Variants in HNF1B observed in about 807,000 individuals in gnomAD.
The protein encoded by HNF1B is HNF1 homeobox B.
A neutral mutation model predicts 61.7 loss-of-function variants in HNF1B; 8 were observed. The ratio of observed to expected loss-of-function variants is 0.13; its 90% CI spans 0.08 to 0.23. HNF1B has a LOEUF of 0.23. Ranked by LOEUF, HNF1B falls within the 10% of genes least tolerant of loss-of-function variation. HNF1B has a pLI of 1.00. For synonymous variants in HNF1B, 314 were observed against 287.7 expected (o/e 1.09, Z -0.93); for missense variants, 562 against 714.5 (o/e 0.79, Z 2.43).
chr17:37,713,319 A>G (rs1235713775), intron 4 of HNF1B, among the ~76,000 whole-genome samples: 2 of 152,224 alleles, frequency 1.3e-5, no homozygotes, highest in Non-Finnish European at 2.9e-5. Flanking sequence ...GGTCACAAGG[A>G]GGCTTCTCCC....
chr17:37,706,626 A>C (rs948377072), intron 5 of HNF1B, among the ~76,000 whole-genome samples: 1 of 151,938 alleles, frequency 6.6e-6, no homozygotes, highest in South Asian at 2.1e-4. Flanking sequence ...CACATCAAAC[A>C]AGAGAGAAGC....
At chr17:37,690,389 A>T (rs1031006905) in intron 8 of HNF1B, among the ~76,000 whole-genome samples, 3 of 152,176 alleles carry the variant, frequency 2.0e-5, no homozygotes, top group Admixed American at 2.0e-4. Context: ...TGTGATGGAA[A>T]GCTATTGGAG....
chr17:37,691,150 T>C (rs192902729), intron 8 of HNF1B, among the ~76,000 whole-genome samples: 13 of 152,126 alleles, frequency 8.5e-5, no homozygotes, highest in East Asian at 5.8e-4. Context: ...AAAGTAACCA[T>C]TGGTTTCAGC....
At chr17:37,741,679 G>A (rs1174219157) in intron 1 of HNF1B, among the ~76,000 whole-genome samples, 2 of 152,186 alleles carry the variant, frequency 1.3e-5, no homozygotes, top group Non-Finnish European at 2.9e-5. Flanking sequence ...TTTTAAAAGT[G>A]AATATTGCTT....
At chr17:37,690,187 A>G (rs967828109) in intron 8 of HNF1B, among the ~76,000 whole-genome samples, 1 of 152,200 alleles carries the variant, frequency 6.6e-6, no homozygotes. Context: ...GTGAAGGGGC[A>G]AGCATGTAAA....
chr17:37,714,253 T>C (rs1568648770), intron 4 of HNF1B, among the ~76,000 whole-genome samples: 2 of 152,248 alleles, frequency 1.3e-5, no homozygotes, highest in Non-Finnish European at 2.9e-5. Context: ...GCACTGTCCT[T>C]GTTTAAAAGA....
At chr17:37,727,512 A>G (rs2033538725) in intron 4 of HNF1B, among the ~76,000 whole-genome samples, 1 of 152,206 alleles carries the variant, frequency 6.6e-6, no homozygotes, top group African/African-American at 2.4e-5. Context: ...TTAAGCATGC[A>G]TAAGGGAGAC....
intron 8 of HNF1B, among the ~76,000 whole-genome samples, chr17:37,689,188 G>T (rs1228172688): frequency 6.7e-6 from 1 of 150,370 alleles, no homozygotes; most frequent in East Asian, 1.9e-4. Context: ...GCTGAGCAGT[G>T]CGTGCATGTG....
intron 2 of HNF1B, among the ~76,000 whole-genome samples, chr17:37,736,410 G>C (rs1480015939): frequency 6.6e-6 from 1 of 152,062 alleles, no homozygotes; most frequent in Non-Finnish European, 1.5e-5. Flanking sequence ...TAATTCTTAC[G>C]ACCGCTCCAT....
At chr17:37,702,181 T>A (rs1475575613) in intron 6 of HNF1B, among the ~76,000 whole-genome samples, 1 of 152,052 alleles carries the variant, frequency 6.6e-6, no homozygotes, top group Non-Finnish European at 1.5e-5. Flanking sequence ...GAAGAAGGAA[T>A]CCAGAAAAAG....
chr17:37,692,222 G>T (rs2032228428), intron 8 of HNF1B, among the ~76,000 whole-genome samples: 1 of 152,248 alleles, frequency 6.6e-6, no homozygotes, highest in Non-Finnish European at 1.5e-5. Flanking sequence ...TAATCCCCAA[G>T]GCCCTTGGGG....
chr17:37,739,348 C>T (rs1040245914), intron 2 of HNF1B, 92 bp downstream of exon 2: 1 of 1,180,634 alleles, frequency 8.5e-7, no homozygotes, highest in East Asian at 2.3e-5. Context: ...GCTCACAAGG[C>T]CTTGTCGATG....
chr17:37,743,660 G>C (rs1015223844), intron 1 of HNF1B, among the ~76,000 whole-genome samples: 4 of 152,208 alleles, frequency 2.6e-5, no homozygotes, highest in Non-Finnish European at 4.4e-5. Flanking sequence ...GGAACCGCTC[G>C]GCTCCTTAGA....
At chr17:37,725,508 A>T (rs1377802330) in intron 4 of HNF1B, among the ~76,000 whole-genome samples, 7 of 152,188 alleles carry the variant, frequency 4.6e-5, no homozygotes, top group Non-Finnish European at 7.4e-5. Flanking sequence ...ATGGGGTGGT[A>T]CCCACAAGAT....
At chr17:37,703,922 A>C (rs1228061887) in intron 6 of HNF1B, among the ~76,000 whole-genome samples, 1 of 152,216 alleles carries the variant, frequency 6.6e-6, no homozygotes, top group African/African-American at 2.4e-5. Flanking sequence ...AAGAAAGAAA[A>C]AGGCAGAAAC....
At chr17:37,716,842 A>G (rs949171650) in intron 4 of HNF1B, among the ~76,000 whole-genome samples, 1 of 131,202 alleles carries the variant, frequency 7.6e-6, no homozygotes, top group Non-Finnish European at 1.7e-5. Flanking sequence ...CACTTTAACA[A>G]TCTCTCTCTC....
At chr17:37,732,693 C>G (rs2033722257) in intron 3 of HNF1B, among the ~76,000 whole-genome samples, 1 of 152,186 alleles carries the variant, frequency 6.6e-6, no homozygotes, top group African/African-American at 2.4e-5. Flanking sequence ...AAAAAAATAG[C>G]TGGGCCCTGT....
intron 7 of HNF1B, among the ~76,000 whole-genome samples, chr17:37,700,290 G>A (rs1413016128): frequency 6.6e-6 from 1 of 152,232 alleles, no homozygotes. Flanking sequence ...CAGGATGAAA[G>A]GCAGAGAAAC....
intron 4 of HNF1B, among the ~76,000 whole-genome samples, chr17:37,727,766 G>C (rs2898654): frequency 2.0e-5 from 3 of 152,156 alleles, no homozygotes; most frequent in Admixed American, 2.0e-4. Flanking sequence ...TGGGAGGGAA[G>C]GTGCTGTTAG....
Sources: allele counts gnomAD v4.1 joint callset (sites outside exome capture counted in the v4.1 genomes callset), GRCh38; gene constraint gnomAD v4.1.1; transcripts MANE v1.5; gene names NCBI Gene and HGNC (gene_info 2026-07-23, HGNC 2026-07-21).